Variants in GRID1 observed in about 807,000 individuals in gnomAD.
GRID1 encodes the protein glutamate receptor ionotropic, delta-1.
In GRID1, 28 loss-of-function variants were observed where a neutral mutation model predicts 98.0. That is an observed-to-expected ratio of 0.29 (90% confidence interval 0.21 to 0.39). The LOEUF is 0.39. Among genes scored for constraint, GRID1 ranks in the 10% least tolerant of loss-of-function variants. The pLI is 1.00. For synonymous variants in GRID1, 553 were observed against 538.5 expected (o/e 1.03, Z -0.37); for missense variants, 1,111 against 1,340.5 (o/e 0.83, Z 2.67).
chr10:85,891,457 A>G (rs1841199413), intron 5 of GRID1, among the ~76,000 whole-genome samples: 1 of 152,200 alleles, frequency 6.6e-6, no homozygotes, highest in African/African-American at 2.4e-5. Context: ...GATAATTAAG[A>G]GTGCAAATGC....
chr10:86,194,620 A>G (rs1267842819), intron 3 of GRID1, among the ~76,000 whole-genome samples: 1 of 152,120 alleles, frequency 6.6e-6, no homozygotes, highest in African/African-American at 2.4e-5. Context: ...GAGTATATTC[A>G]TTTTGTGTAT....
intron 8 of GRID1, among the ~76,000 whole-genome samples, chr10:85,815,186 A>T (rs547966295): frequency 1.8e-4 from 27 of 152,172 alleles, no homozygotes; most frequent in African/African-American, 6.0e-4. Context: ...ATTCAACAAA[A>T]TTCAACATCT....
chr10:86,279,464 T>G (rs936065792), intron 2 of GRID1, among the ~76,000 whole-genome samples: 4 of 152,176 alleles, frequency 2.6e-5, no homozygotes, highest in South Asian at 2.1e-4. Flanking sequence ...AACTTAACAT[T>G]TGCAATCAAA....
chr10:86,267,417 C>T (rs116626729), intron 2 of GRID1, among the ~76,000 whole-genome samples: 2,488 of 152,366 alleles, frequency 0.016, 63 homozygotes, highest in African/African-American at 0.055. Context: ...CCATCTCTTC[C>T]TGACACCAAA....
chr10:85,910,804 A>G (rs1841527198), intron 5 of GRID1, among the ~76,000 whole-genome samples: 1 of 152,236 alleles, frequency 6.6e-6, no homozygotes, highest in Admixed American at 6.5e-5. Flanking sequence ...TCAATTCCCC[A>G]ACACAGCAGA....
At chr10:86,148,650 G>T (rs558243123) in intron 3 of GRID1, among the ~76,000 whole-genome samples, 2 of 152,126 alleles carry the variant, frequency 1.3e-5, no homozygotes, top group Non-Finnish European at 2.9e-5. Flanking sequence ...GTGAGATAAT[G>T]CATATGTTGA....
chr10:85,772,255 A>C (rs1842277892), intron 8 of GRID1, among the ~76,000 whole-genome samples: 1 of 152,166 alleles, frequency 6.6e-6, no homozygotes, highest in African/African-American at 2.4e-5. Context: ...GCAGAAATAA[A>C]GATGTTCTTT....
chr10:85,641,981 T>C (rs1843126664), intron 13 of GRID1, among the ~76,000 whole-genome samples: 2 of 152,222 alleles, frequency 1.3e-5, no homozygotes, highest in Admixed American at 1.3e-4. Flanking sequence ...TATTTGATTA[T>C]ATAGAGTTAG....
Position 85,916,294 on chromosome 10 carries a change from A to ATCCTGTGTCTGC in GRID1, c.727-56_727-55insGCAGACACAGGA. Reference sequence around the variant, plus strand: ...AGAAGCAAGACAGAAGCTGGCAGACACAGGATGATTGCCGAGACAGAGTTT... The same window carrying ATCCTGTGTCTGC: ...AGAAGCAAGACAGAAGCTGGCAGACATCCTGTGTCTGCCAGGATGATTGCCGAGACAGAGTTT... On this transcript the variant is annotated intron_variant, in intron 4 of 15. Transcript: ENST00000327946. The surrounding 1 kb of genome is among the most constrained non-coding windows in gnomAD (Gnocchi z 4.0). 1.6e-6 allele frequency: 2 copies of ATCCTGTGTCTGC among 1,246,712 alleles called. No homozygotes were observed. The highest frequency in any genetic ancestry group is 2.4e-6 in the Non-Finnish European group (2 of 845,658). 77.2% of individuals were successfully genotyped at this position (1,246,712 alleles called of 1,614,324 possible).
chr10:86,130,223 C>T (rs553070893), intron 4 of GRID1, among the ~76,000 whole-genome samples: 1 of 152,376 alleles, frequency 6.6e-6, no homozygotes, highest in East Asian at 1.9e-4. Context: ...TGATGCAGAG[C>T]CCTTCTTCTC....
At chr10:86,088,610 G>A (rs565953367) in intron 4 of GRID1, among the ~76,000 whole-genome samples, 12 of 152,328 alleles carry the variant, frequency 7.9e-5, no homozygotes, top group African/African-American at 2.6e-4. Context: ...GGGGGTTCAT[G>A]GTTGAGGGCA....
chr10:85,696,583 TG>T (rs1018113559), intron 12 of GRID1, among the ~76,000 whole-genome samples: 1 of 152,038 alleles, frequency 6.6e-6, no homozygotes, highest in Non-Finnish European at 1.5e-5. Flanking sequence ...TAGTCTTGCT[TG>T]GGGTTTAATA....
intron 3 of GRID1, among the ~76,000 whole-genome samples, chr10:86,185,838 T>C (rs111826144): frequency 6.2e-4 from 94 of 152,332 alleles, no homozygotes; most frequent in African/African-American, 1.9e-3. Flanking sequence ...TGTTTATATA[T>C]TGTTACTAAT....
chr10:86,251,158 A>G (rs897996182), intron 2 of GRID1, among the ~76,000 whole-genome samples: 1 of 152,124 alleles, frequency 6.6e-6, no homozygotes, highest in Admixed American at 6.5e-5. Flanking sequence ...ACTCGTTAAG[A>G]GTCATCACCA....
intron 1 of GRID1, 27 bp from the exon 2 acceptor site, chr10:86,364,123 G>A (rs750924320): frequency 6.2e-7 from 1 of 1,606,128 alleles, no homozygotes; most frequent in Non-Finnish European, 8.5e-7. Context: ...ATCAAGACCG[G>A]ACCTGGACAA....
chr10:86,253,100 A>G (rs1290817899), intron 2 of GRID1, among the ~76,000 whole-genome samples: 3 of 152,246 alleles, frequency 2.0e-5, no homozygotes, highest in South Asian at 4.1e-4. Flanking sequence ...TGAGGTTACA[A>G]TGAAATCCGA....
intron 4 of GRID1, among the ~76,000 whole-genome samples, chr10:86,101,798 T>C (rs947927741): frequency 6.6e-6 from 1 of 152,106 alleles, no homozygotes; most frequent in African/African-American, 2.4e-5. Context: ...GCACTATGCC[T>C]GGCTTGGCTA....
At chr10:85,947,369 A>C (rs1039003737) in intron 4 of GRID1, among the ~76,000 whole-genome samples, 1 of 152,212 alleles carries the variant, frequency 6.6e-6, no homozygotes, top group East Asian at 1.9e-4. Context: ...ACTGCTTTAC[A>C]CATCTTTGAA....
intron 13 of GRID1, among the ~76,000 whole-genome samples, chr10:85,622,952 T>G (rs765936505): frequency 6.6e-6 from 1 of 152,178 alleles, no homozygotes; most frequent in Non-Finnish European, 1.5e-5. Context: ...CACAAGTACA[T>G]GCCTAGAGCT....
Sources: allele counts gnomAD v4.1 joint callset (sites outside exome capture counted in the v4.1 genomes callset), GRCh38; gene constraint gnomAD v4.1.1; non-coding constraint Gnocchi (gnomAD v3.1); transcripts MANE v1.5; gene names NCBI Gene and HGNC (gene_info 2026-07-23, HGNC 2026-07-21).